Variants in CSNK1A1 observed in about 807,000 individuals in gnomAD.
CSNK1A1 encodes the protein casein kinase 1 alpha 1, also known as casein kinase I isoform alpha.
A neutral mutation model predicts 46.1 loss-of-function variants in CSNK1A1; 7 were observed. That is an observed-to-expected ratio of 0.15 (90% CI 0.09 to 0.29). The LOEUF (loss-of-function observed/expected upper bound fraction) is 0.29. CSNK1A1 is among the 10% of genes least tolerant of loss of function. The pLI is 1.00. For missense variants in CSNK1A1, 96 were observed against 417.1 expected (o/e 0.23, Z 6.71); for synonymous variants, 137 against 141.5 (o/e 0.97, Z 0.23).
chr5:149,511,410 A>T (rs756715083), intron 6 of CSNK1A1, among the ~76,000 whole-genome samples: 14 of 152,128 alleles, frequency 9.2e-5, no homozygotes, highest in Admixed American at 7.9e-4. Context: ...TAATAGAAAC[A>T]AAATGTTAGG....
intron 9 of CSNK1A1, chr5:149,499,308 GGA>G (rs1161531149): frequency 9.2e-5 from 79 of 859,620 alleles, no homozygotes; most frequent in East Asian, 2.9e-4. Flanking sequence ...AAAAAAAAGG[GGA>G]GGGGGAGGGG....
intron 2 of CSNK1A1, among the ~76,000 whole-genome samples, chr5:149,541,179 G>A (rs1337399777): frequency 2.0e-5 from 3 of 147,070 alleles, no homozygotes; most frequent in African/African-American, 7.6e-5. Flanking sequence ...TTGAGATGGA[G>A]TCTCCATCTG....
chr5:149,550,707 G>C lies in CSNK1A1; in HGVS notation c.123+135C>G. ...GACAGCGGACGAGGTTCGTAAGCCA[G>C]GAAAACTAGCTCCCTGGACTCCCTG... On this transcript the variant is annotated intron_variant, in intron 1 of 9. Coordinates refer to ENST00000377843, the MANE Select transcript of CSNK1A1 (RefSeq NM_001892.6). The surrounding 1 kb of genome is among the most constrained non-coding windows in gnomAD (Gnocchi z 4.3). The C allele has an allele frequency of 7.7e-7, 1 of 1,295,030 alleles. No homozygotes were observed. Among genetic ancestry groups the C allele is most frequent in the Non-Finnish European group, 1.1e-6 (1 of 949,326 alleles). The allele number at this position is 1,295,030 out of a possible 1,614,324, so 80.2% of individuals were successfully genotyped here.
rs1424606438 is a variant in CSNK1A1, at chr5:149,494,982, CT to C, written c.*1870del. 5 of 152,132 alleles carry C rather than the reference CT, an allele frequency of 3.3e-5. No homozygotes were observed. Among genetic ancestry groups the C allele is most frequent in the Non-Finnish European group, 2.9e-5 (2 of 68,020 alleles). 9.4% of individuals were successfully genotyped at this position (152,132 alleles called of 1,614,324 possible). ...GCTAAACATTTTTATTTTACACAAA[CT>C]ATACTCAAAAATAGCTTTATGAGAC... is the stretch of plus-strand genomic sequence containing the variant. On this transcript the variant is annotated 3_prime_UTR_variant, in exon 10 of 10. Coordinates refer to ENST00000377843, the MANE Select transcript of CSNK1A1 (RefSeq NM_001892.6).
rs11167469 is a variant in CSNK1A1 at position 149,495,408 on chromosome 5, T to G, written c.*1445A>C. 6.6e-6 allele frequency: 1 copy of G among 152,098 alleles called. No homozygotes were observed. Among genetic ancestry groups the G allele is most frequent in the African/African-American group, 2.4e-5 (1 of 41,392 alleles). 9.4% of individuals were successfully genotyped at this position (152,098 alleles called of 1,614,324 possible). On this transcript the variant is annotated 3_prime_UTR_variant, in exon 10 of 10. Coordinates refer to ENST00000377843, the MANE Select transcript of CSNK1A1 (RefSeq NM_001892.6). ...TGAATAAATTACACTATTTAAAAAT[T>G]ATCATCAGTAAGTTTTCCTTTCTCA...
intron 2 of CSNK1A1, among the ~76,000 whole-genome samples, chr5:149,537,073 T>C (rs1489968048): frequency 6.6e-6 from 1 of 152,180 alleles, no homozygotes; most frequent in African/African-American, 2.4e-5. Context: ...TTATTATTCT[T>C]ATTACAAAAA....
chr5:149,514,259 T>C (rs1387860246), intron 4 of CSNK1A1, among the ~76,000 whole-genome samples: 1 of 152,210 alleles, frequency 6.6e-6, no homozygotes, highest in Non-Finnish European at 1.5e-5. Flanking sequence ...GGGAATAAGG[T>C]ATTCATTTAT....
rs76022344 is a variant in CSNK1A1 at position 149,516,847 on chromosome 5, G to A, written c.456+3443C>T. On this transcript the variant is annotated intron_variant, in intron 4 of 9. Transcript: ENST00000377843. Reference sequence around the variant, plus strand: ...TTCCTGGAATAAAGCTGGGCAGTATGGAAAAGGGTTAAATGATTATCCAGA... The same window carrying A: ...TTCCTGGAATAAAGCTGGGCAGTATAGAAAAGGGTTAAATGATTATCCAGA... 8.7e-3 allele frequency among the ~76,000 whole-genome samples: 1,329 copies of A among 152,166 alleles called. 16 individuals are homozygous for A. Among genetic ancestry groups the A allele is most frequent in the African/African-American group, 0.03 (1,246 of 41,502 alleles).
intron 2 of CSNK1A1, among the ~76,000 whole-genome samples, chr5:149,528,221 A>G (rs537543565): frequency 6.6e-6 from 1 of 152,306 alleles, no homozygotes; most frequent in East Asian, 1.9e-4. Flanking sequence ...AGACATATTC[A>G]CTATTCTCAA....
At chr5:149,518,232 C>T (rs1004805580) in intron 4 of CSNK1A1, among the ~76,000 whole-genome samples, 7 of 151,666 alleles carry the variant, frequency 4.6e-5, no homozygotes, top group Admixed American at 2.0e-4. Flanking sequence ...AAATATTGTA[C>T]GGGGGAAAAA....
chr5:149,543,594 T>C (rs1044896180), intron 2 of CSNK1A1, among the ~76,000 whole-genome samples: 4 of 152,204 alleles, frequency 2.6e-5, no homozygotes, highest in Non-Finnish European at 4.4e-5. Flanking sequence ...ATTATGTTAT[T>C]CACAGGATAT....
intron 2 of CSNK1A1, among the ~76,000 whole-genome samples, chr5:149,547,026 A>T (rs949957422): frequency 8.6e-5 from 13 of 152,024 alleles, no homozygotes; most frequent in African/African-American, 3.1e-4. Context: ...CATGTACCTG[A>T]CCCTACCACT....
At chr5:149,503,730 C>T (rs1760945061) in intron 9 of CSNK1A1, 2 of 985,332 alleles carry the variant, frequency 2.0e-6, no homozygotes, top group Non-Finnish European at 2.4e-6. Flanking sequence ...ACAAATTCTG[C>T]TTGTTTATTG....
intron 2 of CSNK1A1, among the ~76,000 whole-genome samples, chr5:149,534,238 T>C (rs1761983863): frequency 6.6e-6 from 1 of 151,922 alleles, no homozygotes; most frequent in Non-Finnish European, 1.5e-5. Flanking sequence ...TCCCAGCACC[T>C]TGGGAGGCCA....
At chr5:149,545,409 G>A (rs1762447226) in intron 2 of CSNK1A1, 2 of 513,592 alleles carry the variant, frequency 3.9e-6, no homozygotes, top group African/African-American at 1.9e-5. Context: ...GTAGGGGCCT[G>A]AGAGCCTTTG....
intron 2 of CSNK1A1, among the ~76,000 whole-genome samples, chr5:149,549,002 AGT>A (rs1762571959): frequency 6.6e-6 from 1 of 152,348 alleles, no homozygotes; most frequent in African/African-American, 2.4e-5. Flanking sequence ...TAATCCCAAA[AGT>A]TAAAACATTA....
At chr5:149,528,725 T>C (rs1378225163) in intron 2 of CSNK1A1, among the ~76,000 whole-genome samples, 2 of 152,202 alleles carry the variant, frequency 1.3e-5, no homozygotes, top group African/African-American at 4.8e-5. Flanking sequence ...AACTATTGCT[T>C]GTGTCCACAG....
chr5:149,530,742 C>T lies in CSNK1A1; in HGVS notation c.231-5571G>A, dbSNP rs1216468930. The stretch of plus-strand genomic sequence containing the variant: ...CAGCACTCTGGGAAGCCGAGGCGGG[C>T]GGATCATGAGGCCAGGAGTTCGAGA... On this transcript the variant is annotated intron_variant, in intron 2 of 9. Transcript: ENST00000377843. Among the ~76,000 whole-genome samples, 7 of 151,886 alleles carry T rather than the reference C, an allele frequency of 4.6e-5. No individual in the cohort carries two copies. In the East Asian group the frequency reaches 1.4e-3, roughly 29 times the overall value.
At chr5:149,510,680 T>C (rs1414377914) in intron 6 of CSNK1A1, among the ~76,000 whole-genome samples, 2 of 151,834 alleles carry the variant, frequency 1.3e-5, no homozygotes, top group African/African-American at 2.4e-5. Flanking sequence ...GGTCTTGCCA[T>C]ACTGACCAGG....
Sources: gnomAD v4.1 joint callset for allele counts (sites outside exome capture counted in the v4.1 genomes callset) on GRCh38, gnomAD v4.1.1 for gene constraint, Gnocchi (gnomAD v3.1) non-coding constraint, MANE v1.5 for transcripts, NCBI Gene and HGNC (gene_info 2026-07-23, HGNC 2026-07-21) for gene names.